Variants in GPC5 observed in about 807,000 individuals in gnomAD.
GPC5 encodes glypican-5.
GPC5 carries 47 observed loss-of-function variants against 53.9 expected under a neutral mutation model. The observed-to-expected ratio is 0.87, with a 90% CI of 0.69 to 1.11. GPC5 has a LOEUF of 1.11. Ranked by LOEUF, GPC5 falls within the 50% of genes most tolerant of loss-of-function variation. The pLI, the probability that GPC5 is intolerant of heterozygous loss-of-function variation, is 0.00. For missense variants in GPC5, 748 were observed against 713.1 expected (o/e 1.05, Z -0.56); for synonymous variants, 286 against 263.3 (o/e 1.09, Z -0.84).
intron 2 of GPC5, among the ~76,000 whole-genome samples, chr13:91,690,455 T>C (rs549407925): frequency 1.1e-4 from 17 of 152,276 alleles, no homozygotes; most frequent in Middle Eastern, 3.4e-3. Context: ...AGTTTGTTGC[T>C]AATAATACAC....
chr13:92,283,124 A>G (rs1403283278), intron 7 of GPC5, among the ~76,000 whole-genome samples: 2 of 152,232 alleles, frequency 1.3e-5, no homozygotes, highest in East Asian at 1.9e-4. Context: ...TTAAACCAAT[A>G]AAGGTCAAAA....
chr13:91,669,624 G>A (rs888076763), intron 2 of GPC5, among the ~76,000 whole-genome samples: 5 of 152,156 alleles, frequency 3.3e-5, no homozygotes, highest in African/African-American at 1.2e-4. Flanking sequence ...GTAGAACTTA[G>A]GAAAGAGGTA....
At chr13:91,589,489 C>G (rs1435353014) in intron 2 of GPC5, among the ~76,000 whole-genome samples, 2 of 152,130 alleles carry the variant, frequency 1.3e-5, no homozygotes, top group Non-Finnish European at 2.9e-5. Flanking sequence ...ACCTGACCAT[C>G]ACCCTCTCTC....
intron 7 of GPC5, among the ~76,000 whole-genome samples, chr13:92,493,380 AGTT>A (rs1450794114): frequency 1.1e-4 from 16 of 152,206 alleles, no homozygotes; most frequent in African/African-American, 3.9e-4. Flanking sequence ...ACTACTGTGA[AGTT>A]GTCAGTATTA....
chr13:91,451,322 T>A (rs9589240), intron 2 of GPC5, among the ~76,000 whole-genome samples: 1 of 152,210 alleles, frequency 6.6e-6, no homozygotes, highest in Non-Finnish European at 1.5e-5. Context: ...TAGTATGGTC[T>A]CTTTCCTCAT....
At chr13:91,842,595 G>A (rs1049860090) in intron 5 of GPC5, among the ~76,000 whole-genome samples, 2 of 149,172 alleles carry the variant, frequency 1.3e-5, no homozygotes, top group South Asian at 4.3e-4. Context: ...CCAGCTACTT[G>A]GGAGGCTGAG....
chr13:92,714,079 C>T (rs776188731), intron 7 of GPC5, among the ~76,000 whole-genome samples: 1 of 152,224 alleles, frequency 6.6e-6, no homozygotes, highest in Admixed American at 6.5e-5. Flanking sequence ...TTGTTTGTCA[C>T]GTAATACCTA....
chr13:91,591,449 G>T lies in GPC5; in HGVS notation c.326-101738G>T, dbSNP rs181467536. On this transcript the variant is annotated intron_variant, in intron 2 of 7. Transcript: ENST00000377067. ...TCATCTTGTGTAGTTTCTAGCCGGG[G>T]TTCTTGGTATTTTTTGAGTTTTCAT... is the stretch of plus-strand genomic sequence containing the variant. Among the ~76,000 whole-genome samples, 264 of 152,210 alleles carry T rather than the reference G, an allele frequency of 1.7e-3. 1 individual carries two copies. Among genetic ancestry groups the T allele is most frequent in the Non-Finnish European group, 1.0e-3 (68 of 68,006 alleles).
intron 7 of GPC5, among the ~76,000 whole-genome samples, chr13:92,854,059 T>C (rs1379987511): frequency 2.0e-5 from 3 of 152,092 alleles, no homozygotes; most frequent in East Asian, 1.9e-4. Flanking sequence ...AAGGGCTCCA[T>C]GTTCTTTGTG....
chr13:92,475,048 T>C (rs1176640716), intron 7 of GPC5, among the ~76,000 whole-genome samples: 1 of 152,096 alleles, frequency 6.6e-6, no homozygotes, highest in Non-Finnish European at 1.5e-5. Flanking sequence ...TAGTAAATTA[T>C]AACCAGGAAG....
At position 92,092,142 on chromosome 13, in the gene GPC5, T is replaced by G. The variant is rs187139574; in HGVS notation, c.1402-52688T>G. ...AAATGGTGTCAGTTGGCCAAATTTA[T>G]TTCCTGAAAAACAGCTGAGCAGCCA... On this transcript the variant is annotated intron_variant, in intron 6 of 7. Transcript: ENST00000377067. Among the ~76,000 whole-genome samples, 162 of 152,316 alleles carry G rather than the reference T, an allele frequency of 1.1e-3. 1 individual carries two copies. The highest frequency in any genetic ancestry group is 1.9e-3 in the Non-Finnish European group (126 of 68,024).
chr13:92,404,650 C>A (rs1875714873), intron 7 of GPC5, among the ~76,000 whole-genome samples: 1 of 131,442 alleles, frequency 7.6e-6, no homozygotes, highest in Non-Finnish European at 1.7e-5. Context: ...ATTCTTATTC[C>A]TAATTTACAG....
intron 7 of GPC5, among the ~76,000 whole-genome samples, chr13:92,225,851 A>G (rs2042482145): frequency 6.6e-6 from 1 of 152,000 alleles, no homozygotes; most frequent in Admixed American, 6.6e-5. Context: ...GGTAACTATG[A>G]GGCATTAGCT....
rs1422675853 is a variant in GPC5, at chr13:91,962,891, A to T, written c.1401+54834A>T. ...GTGTGTTTTGTTTCCTATATTCCTCAGTTATTGTTTTCATTTTTTTGATAT... is the reference window on the plus strand; with the variant it reads ...GTGTGTTTTGTTTCCTATATTCCTCTGTTATTGTTTTCATTTTTTTGATAT... On this transcript the variant is annotated intron_variant, in intron 6 of 7. Transcript: ENST00000377067. Among the ~76,000 whole-genome samples the T allele has an allele frequency of 7.9e-5, 12 of 152,198 alleles. No homozygotes were observed. The South Asian group carries it at 1.9e-3, about 24-fold the overall frequency.
At chr13:92,455,916 A>G (rs1441110485) in intron 7 of GPC5, among the ~76,000 whole-genome samples, 1 of 152,174 alleles carries the variant, frequency 6.6e-6, no homozygotes, top group Non-Finnish European at 1.5e-5. Flanking sequence ...GGGTGAGTAA[A>G]CTTCTTTTGG....
intron 6 of GPC5, among the ~76,000 whole-genome samples, chr13:92,075,653 T>C (rs2041246202): frequency 6.6e-6 from 1 of 152,188 alleles, no homozygotes; most frequent in African/African-American, 2.4e-5. Flanking sequence ...AAAATGTATG[T>C]CATATCATGA....
chr13:92,155,838 C>A (rs1440936704), intron 7 of GPC5, among the ~76,000 whole-genome samples: 1 of 152,012 alleles, frequency 6.6e-6, no homozygotes, highest in African/African-American at 2.4e-5. Flanking sequence ...ATGCTTACTG[C>A]CTTTTAGCTC....
rs574869692 is a variant in GPC5 at position 92,147,395 on chromosome 13, G to A, written c.1561+2406G>A. On this transcript the variant is annotated intron_variant, in intron 7 of 7. Coordinates refer to ENST00000377067, the MANE Select transcript of GPC5 (RefSeq NM_004466.6). ...GTAAAGCATTTTTTTGTGTGTGAGTGTGTGTGCATATGTGTGTATAAATAG... is the reference window on the plus strand; with the variant it reads ...GTAAAGCATTTTTTTGTGTGTGAGTATGTGTGCATATGTGTGTATAAATAG... Among the ~76,000 whole-genome samples, 6 of 152,004 alleles carry A rather than the reference G, an allele frequency of 3.9e-5. No homozygotes were observed. In the South Asian group the frequency reaches 1.2e-3, roughly 32 times the overall value.
At chr13:91,561,152 C>A (rs1436711575) in intron 2 of GPC5, among the ~76,000 whole-genome samples, 1 of 152,084 alleles carries the variant, frequency 6.6e-6, no homozygotes, top group African/African-American at 2.4e-5. Context: ...TGGAATCTTA[C>A]TTCATTTCTT....
Sources: gnomAD v4.1 joint callset for allele counts (sites outside exome capture counted in the v4.1 genomes callset) on GRCh38, gnomAD v4.1.1 for gene constraint, MANE v1.5 for transcripts, NCBI Gene and HGNC (gene_info 2026-07-23, HGNC 2026-07-21) for gene names.